The following ZNF717 variants were observed in gnomAD, a reference collection of about 807,000 sequenced individuals.
The protein encoded by ZNF717 is zinc finger protein 717.
Under a neutral mutation model 13.8 loss-of-function variants are expected in ZNF717, and 9 were observed. The ratio of observed to expected loss-of-function variants is 0.65; its 90% CI spans 0.39 to 1.14. ZNF717 has a LOEUF of 1.14. ZNF717 is among the 50% of genes most tolerant of loss of function. The pLI is 0.01. For synonymous variants in ZNF717, 327 were observed against 364.1 expected, an observed-to-expected ratio of 0.90 and a Z score of 1.16; for missense variants, 1,040 against 1,080.7, an observed-to-expected ratio of 0.96 and a Z score of 0.53.
intron 2 of ZNF717, among the ~76,000 whole-genome samples, chr3:75,764,302 T>C (rs1467395521): frequency 6.6e-6 from 1 of 152,136 alleles, no homozygotes; most frequent in Admixed American, 6.5e-5. Flanking sequence ...CGTATCTGTT[T>C]CCTGCCTTTT....
downstream of ZNF717, among the ~76,000 whole-genome samples, chr3:75,707,448 A>G (rs1937828979): frequency 6.6e-6 from 1 of 152,414 alleles, no homozygotes; most frequent in South Asian, 2.1e-4. Context: ...GCTAGTTTAC[A>G]TTCTTAAATC....
intron 6 of ZNF717, among the ~76,000 whole-genome samples, chr3:75,695,599 C>G (rs1269332095): frequency 1.4e-5 from 2 of 143,664 alleles, no homozygotes; most frequent in African/African-American, 5.0e-5. Context: ...AAAGACATTC[C>G]AAAAAATTGA....
chr3:75,745,879 ATTTTTT>A (rs1274646577), intron 2 of ZNF717, among the ~76,000 whole-genome samples: 1 of 150,818 alleles, frequency 6.6e-6, no homozygotes. Flanking sequence ...ATTTATATAT[ATTTTTT>A]TATTATACTT....
intron 2 of ZNF717, among the ~76,000 whole-genome samples, chr3:75,756,815 C>T (rs868180480): frequency 9.2e-5 from 14 of 152,200 alleles, no homozygotes; most frequent in Admixed American, 6.5e-4. Context: ...GCTGGGATTA[C>T]GGGCATGCGC....
At chr3:75,727,890 C>A (rs1938320253), downstream of ZNF717, among the ~76,000 whole-genome samples, 1 of 152,232 alleles carries the variant, frequency 6.6e-6, no homozygotes, top group African/African-American at 2.4e-5. Flanking sequence ...ATAGTCCTAC[C>A]AATGTGATGG....
chr3:75,737,318 G>C lies in ZNF717; in HGVS notation c.2305C>G (p.His769Asp). Residue 769 changes from histidine to aspartate, a missense_variant, in exon 5 of 5, where the codon CAC (histidine) becomes GAC (aspartate). His to Asp is a moderately conservative substitution (Grantham distance 81, BLOSUM62 -1). Coordinates refer to ENST00000652011, the MANE Select transcript of ZNF717 (RefSeq NM_001290208.3). The part of the protein sequence containing the change: ...ECNECGKTFC[H>D]KSNLSTHQGT... ...TGATGCGTACTGAGGTTTGACTTGT[G>C]ACAAAAGGTTTTCCCACACTCATTA... 6.4e-7 allele frequency: 1 copy of C among 1,552,650 alleles called. No homozygotes were observed. Among genetic ancestry groups the C allele is most frequent in the Non-Finnish European group, 8.7e-7 (1 of 1,147,620 alleles).
At chr3:75,734,795 T>TTATATA (rs1295066161), downstream of ZNF717, among the ~76,000 whole-genome samples, 31 of 85,434 alleles carry the variant, frequency 3.6e-4, no homozygotes, top group African/African-American at 1.3e-3. Context: ...ATGTATGCAA[T>TTATATA]TATATATATA....
intron 2 of ZNF717, among the ~76,000 whole-genome samples, chr3:75,749,024 C>T (rs1241090242): frequency 6.6e-6 from 1 of 152,000 alleles, no homozygotes. Context: ...TTGTCCCTCA[C>T]ATAGGATTCC....
At chr3:75,761,912 G>A (rs1943051136) in intron 2 of ZNF717, among the ~76,000 whole-genome samples, 1 of 152,208 alleles carries the variant, frequency 6.6e-6, no homozygotes, top group Admixed American at 6.5e-5. Context: ...AAATTAGCTG[G>A]GCATAGTGGC....
chr3:75,769,268 C>G (rs1401793956), intron 2 of ZNF717, among the ~76,000 whole-genome samples: 2 of 152,092 alleles, frequency 1.3e-5, no homozygotes, highest in African/African-American at 2.4e-5. Flanking sequence ...GCCAGACAAA[C>G]CTGACTACCT....
chr3:75,768,198 G>C (rs1187170379), intron 2 of ZNF717, among the ~76,000 whole-genome samples: 1 of 152,224 alleles, frequency 6.6e-6, no homozygotes, highest in Non-Finnish European at 1.5e-5. Flanking sequence ...CATCTAAAGA[G>C]AAATGCTGAC....
chr3:75,698,957 G>A (rs1937635103), intron 6 of ZNF717, among the ~76,000 whole-genome samples: 1 of 152,304 alleles, frequency 6.6e-6, no homozygotes, highest in Non-Finnish European at 1.5e-5. Context: ...GCTGAACCAT[G>A]CAAAGGCACA....
At chr3:75,735,746 T>C (rs1188028407), downstream of ZNF717, 6 of 139,472 alleles carry the variant, frequency 4.3e-5, no homozygotes, top group South Asian at 2.4e-4. Context: ...CAAAGAATAA[T>C]AGGAGTTAAT....
In ZNF717 at chr3:75,758,511, C is replaced by T. The variant is rs62268087; in HGVS notation, c.58-16775G>A. Among the ~76,000 whole-genome samples the T allele has an allele frequency of 2.7e-5, 4 of 150,112 alleles. No homozygotes were observed. The South Asian group carries it at 6.4e-4, about 24-fold the overall frequency. ...CTTAGTTGGTACAGCAGTACGAAGG[C>T]CTGACAGGATTGAATCCAATTTTGA... On this transcript the variant is annotated intron_variant, in intron 2 of 4. Coordinates refer to ENST00000652011, the MANE Select transcript of ZNF717 (RefSeq NM_001290208.3).
chr3:75,722,803 CAAA>C (rs146853808), intron 4 of ZNF717, among the ~76,000 whole-genome samples: 179 of 98,848 alleles, frequency 1.8e-3, no homozygotes, highest in East Asian at 9.7e-3. Flanking sequence ...AACTCCATCT[CAAA>C]AAAAAAAAAA....
intron 6 of ZNF717, among the ~76,000 whole-genome samples, chr3:75,698,516 T>C (rs1937629299): frequency 6.6e-6 from 1 of 152,312 alleles, no homozygotes; most frequent in Non-Finnish European, 1.5e-5. Flanking sequence ...CAGCTCCAGG[T>C]GTAGGTCAAA....
intron 2 of ZNF717, chr3:75,741,955 G>A (rs1282399914): frequency 1.2e-5 from 7 of 564,964 alleles, no homozygotes; most frequent in African/African-American, 3.8e-5. Flanking sequence ...TCTTTGGTGT[G>A]TCCATGTGTC....
chr3:75,704,218 G>A (rs1937754464), intron 6 of ZNF717, among the ~76,000 whole-genome samples: 1 of 152,418 alleles, frequency 6.6e-6, no homozygotes, highest in African/African-American at 2.4e-5. Context: ...ACTCTGTAAT[G>A]GAGTCATTTC....
At chr3:75,757,024 G>A (rs1243837467) in intron 2 of ZNF717, among the ~76,000 whole-genome samples, 1 of 152,280 alleles carries the variant, frequency 6.6e-6, no homozygotes, top group African/African-American at 2.4e-5. Context: ...AGCTGCAGAA[G>A]AAAAGTCTGA....
Sources: allele counts gnomAD v4.1 joint callset (sites outside exome capture counted in the v4.1 genomes callset), GRCh38; gene constraint gnomAD v4.1.1; transcripts MANE v1.5; gene names NCBI Gene and HGNC (gene_info 2026-07-23, HGNC 2026-07-21).